Variants in FER observed in about 807,000 individuals in gnomAD.
The protein encoded by FER is tyrosine-protein kinase Fer.
In FER, 63 loss-of-function variants were observed where a neutral mutation model predicts 111.0. The observed-to-expected ratio is 0.57, with a 90% confidence interval of 0.46 to 0.70. The LOEUF (loss-of-function observed/expected upper bound fraction) is 0.70, where lower values mean the gene tolerates loss of function less well. FER is among the 30% of genes least tolerant of loss of function. The pLI is 0.00. For synonymous variants in FER, 327 were observed against 313.9 expected (o/e 1.04, Z -0.44); for missense variants, 914 against 954.0 (o/e 0.96, Z 0.55).
At chr5:109,080,145 A>G (rs926139598) in intron 16 of FER, among the ~76,000 whole-genome samples, 55 of 152,146 alleles carry the variant, frequency 3.6e-4, no homozygotes, top group Non-Finnish European at 7.9e-4. Context: ...ACTTATATGC[A>G]TGTCATAACA....
At chr5:108,846,805 G>A (rs555196073) in intron 5 of FER, among the ~76,000 whole-genome samples, 30 of 151,970 alleles carry the variant, frequency 2.0e-4, no homozygotes, top group Admixed American at 1.4e-3. Context: ...TGATGGTCTC[G>A]ATCTCCTGAC....
At chr5:108,847,574 T>C (rs923970411) in intron 5 of FER, among the ~76,000 whole-genome samples, 1 of 152,172 alleles carries the variant, frequency 6.6e-6, no homozygotes. Flanking sequence ...TTTTTTTGTC[T>C]ACCTGTTGTA....
intron 16 of FER, among the ~76,000 whole-genome samples, chr5:109,053,296 T>C (rs1274751973): frequency 2.0e-5 from 3 of 147,548 alleles, no homozygotes; most frequent in Admixed American, 6.9e-5. Flanking sequence ...GGGAGGAGAA[T>C]CGCTTGAACC....
At position 108,938,230 on chromosome 5, in the gene FER, A is replaced by G. The variant is rs76581901; in HGVS notation, c.1237-7900A>G. Among the ~76,000 whole-genome samples, 64 of 152,050 alleles carry G rather than the reference A, an allele frequency of 4.2e-4. 2 individuals carry two copies. In the East Asian group the frequency reaches 0.012, roughly 28 times the overall value. The stretch of plus-strand genomic sequence containing the variant: ...GAGTGGTAATCCTAAGATGGGAGTT[A>G]TCTGCCTCATGTTTCAAAAAAAGGA... On this transcript the variant is annotated intron_variant, in intron 10 of 19. Transcript: ENST00000281092.
At chr5:109,097,247 TA>T (rs1383883085) in intron 16 of FER, among the ~76,000 whole-genome samples, 1 of 151,894 alleles carries the variant, frequency 6.6e-6, no homozygotes, top group Non-Finnish European at 1.5e-5. Context: ...ATCTCCCTAG[TA>T]AACCATAAGC....
At chr5:108,869,460 T>C (rs1764394107) in intron 6 of FER, among the ~76,000 whole-genome samples, 1 of 150,878 alleles carries the variant, frequency 6.6e-6, no homozygotes, top group Non-Finnish European at 1.5e-5. Flanking sequence ...ATAGGGTCTT[T>C]GCAGATGTAA....
chr5:108,903,246 G>T (rs911535937), intron 10 of FER, among the ~76,000 whole-genome samples: 1 of 152,118 alleles, frequency 6.6e-6, no homozygotes, highest in Admixed American at 6.6e-5. Flanking sequence ...CCTTTTGCTA[G>T]ACCAACACAC....
chr5:109,069,091 A>G (rs1775465508), intron 16 of FER, among the ~76,000 whole-genome samples: 1 of 152,146 alleles, frequency 6.6e-6, no homozygotes, highest in Non-Finnish European at 1.5e-5. Flanking sequence ...AATGCTATTA[A>G]TGTGTAGATC....
intron 13 of FER, among the ~76,000 whole-genome samples, chr5:108,969,064 T>A (rs1276889415): frequency 6.6e-6 from 1 of 152,178 alleles, no homozygotes; most frequent in African/African-American, 2.4e-5. Context: ...TTTGATACTT[T>A]GCTGTTGAAA....
At chr5:109,054,218 T>C (rs1398548517) in intron 16 of FER, among the ~76,000 whole-genome samples, 1 of 152,218 alleles carries the variant, frequency 6.6e-6, no homozygotes, top group Non-Finnish European at 1.5e-5. Flanking sequence ...CAAATTACTT[T>C]CTAAAGTTTT....
intron 13 of FER, among the ~76,000 whole-genome samples, chr5:109,008,973 A>G (rs1407243036): frequency 1.4e-5 from 2 of 147,278 alleles, no homozygotes; most frequent in Admixed American, 1.3e-4. Flanking sequence ...TCCATCTCAA[A>G]ACAACAACAA....
intron 2 of FER, chr5:108,785,347 C>G: frequency 1.7e-6 from 1 of 574,950 alleles, no homozygotes; most frequent in Non-Finnish European, 3.4e-6. Context: ...GCTACTGGCT[C>G]TGTGCTGCCA....
At chr5:108,984,457 A>G (rs1762349577) in intron 13 of FER, among the ~76,000 whole-genome samples, 1 of 152,170 alleles carries the variant, frequency 6.6e-6, no homozygotes, top group Admixed American at 6.6e-5. Context: ...ATTTGTTTGA[A>G]GGATCATCAA....
At chr5:108,899,911 T>C (rs1749764612) in intron 10 of FER, among the ~76,000 whole-genome samples, 1 of 152,178 alleles carries the variant, frequency 6.6e-6, no homozygotes, top group Non-Finnish European at 1.5e-5. Context: ...TAGTGTATAG[T>C]GTAGTTTAAG....
intron 10 of FER, among the ~76,000 whole-genome samples, chr5:108,918,756 G>A (rs553980974): frequency 6.6e-6 from 1 of 151,744 alleles, no homozygotes; most frequent in Admixed American, 6.6e-5. Context: ...CAAAGTGCTG[G>A]GATTACAGGC....
intron 8 of FER, among the ~76,000 whole-genome samples, chr5:108,882,867 C>G (rs988141895): frequency 6.6e-6 from 1 of 151,450 alleles, no homozygotes; most frequent in Non-Finnish European, 1.5e-5. Flanking sequence ...AAATTGTCTT[C>G]AATTCTATAC....
intron 16 of FER, among the ~76,000 whole-genome samples, chr5:109,062,159 A>C (rs2149968510): frequency 6.6e-6 from 1 of 152,332 alleles, no homozygotes. Context: ...TACTTTATAG[A>C]CAAGTTATTA....
chr5:109,044,887 G>C, intron 15 of FER, 92 bp downstream of exon 15: 1 of 682,628 alleles, frequency 1.5e-6, no homozygotes, highest in Non-Finnish European at 2.3e-6. Context: ...GTGATTTACT[G>C]AAATAGTAGG....
intron 16 of FER, among the ~76,000 whole-genome samples, chr5:109,093,441 C>T (rs765492146): frequency 8.6e-5 from 13 of 151,942 alleles, no homozygotes; most frequent in South Asian, 2.1e-4. Context: ...AAAATCTTTA[C>T]GTTGTGTAAA....
Sources: gnomAD v4.1 joint callset for allele counts (sites outside exome capture counted in the v4.1 genomes callset) on GRCh38, gnomAD v4.1.1 for gene constraint, MANE v1.5 for transcripts, NCBI Gene and HGNC (gene_info 2026-07-23, HGNC 2026-07-21) for gene names.